Variants in ACOX3 observed in about 807,000 individuals in gnomAD.
ACOX3 encodes the protein acyl-CoA oxidase 3, pristanoyl, also known as peroxisomal acyl-coenzyme A oxidase 3.
In ACOX3, 73 loss-of-function variants were observed where a neutral mutation model predicts 81.5. That is an observed-to-expected ratio of 0.90 (90% CI 0.74 to 1.09). The LOEUF is 1.09. Ranked by LOEUF, ACOX3 falls within the 50% of genes least tolerant of loss-of-function variation. The probability of loss-of-function intolerance (pLI) is 0.00; values close to 1 mark genes in which losing one functional copy is unlikely to be tolerated. For synonymous variants in ACOX3, 387 were observed against 375.1 expected (o/e 1.03, Z -0.37); for missense variants, 947 against 928.0 (o/e 1.02, Z -0.27).
intron 1 of ACOX3, among the ~76,000 whole-genome samples, chr4:8,427,592 G>A (rs757001931): frequency 6.6e-6 from 1 of 152,188 alleles, no homozygotes; most frequent in Non-Finnish European, 1.5e-5. Flanking sequence ...CTAGTCGCTG[G>A]GTTCCACAGT....
chr4:8,390,777 G>A (rs955133434), intron 11 of ACOX3, among the ~76,000 whole-genome samples: 1 of 152,128 alleles, frequency 6.6e-6, no homozygotes, highest in African/African-American at 2.4e-5. Flanking sequence ...GAGCATGAAA[G>A]GAGTCCTATT....
At chr4:8,372,628 T>C (rs1422194532) in intron 16 of ACOX3, among the ~76,000 whole-genome samples, 5 of 152,098 alleles carry the variant, frequency 3.3e-5, no homozygotes, top group African/African-American at 1.2e-4. Flanking sequence ...GACACGCCCC[T>C]CTCTGGAACC....
In ACOX3 at chr4:8,392,404, A is replaced by G. The variant is rs1445063260; in HGVS notation, c.1229T>C (p.Leu410Pro). 6.2e-7 allele frequency: 1 copy of G among 1,609,526 alleles called. No individual in the cohort carries two copies. Among genetic ancestry groups the G allele is most frequent in the Non-Finnish European group, 8.5e-7 (1 of 1,178,498 alleles). Residue 410 changes from leucine (L) to proline (P), a missense_variant, in exon 11 of 18, where the codon CTG (leucine) becomes CCG (proline). Coordinates refer to ENST00000356406, the MANE Select transcript of ACOX3 (RefSeq NM_003501.3). The stretch of plus-strand genomic sequence containing the variant: ...TCCTTGCTGGGTGGTCCACGAGGCC[A>G]GGGGCTTGCTGGCCGATGCCAGGGC... ...IHALASASKP[L>P]ASWTTQQGIQ...
chr4:8,382,344 C>T lies in ACOX3; in HGVS notation c.1538-737G>A, dbSNP rs750911350. ...CAGCCAGAGCTGGCCTCCCACAGTACTCCGTATGGACCAGGCATGGTCCTG... is the reference window on the plus strand; with the variant it reads ...CAGCCAGAGCTGGCCTCCCACAGTATTCCGTATGGACCAGGCATGGTCCTG... On this transcript the variant is annotated intron_variant, in intron 13 of 17. Coordinates refer to ENST00000356406, the MANE Select transcript of ACOX3 (RefSeq NM_003501.3). This position sits in a 1 kb window ranked among gnomAD's most constrained non-coding sequence, Gnocchi z 4.1. Among the ~76,000 whole-genome samples the T allele has an allele frequency of 1.5e-4, 23 of 152,218 alleles. No homozygotes were observed. The highest frequency in any genetic ancestry group is 2.6e-4 in the Non-Finnish European group (18 of 68,032).
chr4:8,439,928 A>T (rs938167799), intron 1 of ACOX3, among the ~76,000 whole-genome samples: 1 of 130,380 alleles, frequency 7.7e-6, no homozygotes, highest in Non-Finnish European at 1.8e-5. Context: ...GAAAGCAAAA[A>T]GTTAGAAAGA....
At chr4:8,425,182 G>A (rs1228849331) in intron 1 of ACOX3, among the ~76,000 whole-genome samples, 1 of 152,062 alleles carries the variant, frequency 6.6e-6, no homozygotes. Context: ...CTGCCGGGGT[G>A]ATCAGAAAGG....
chr4:8,413,073 C>A (rs960144613), intron 5 of ACOX3, among the ~76,000 whole-genome samples: 2 of 147,172 alleles, frequency 1.4e-5, no homozygotes, highest in Non-Finnish European at 3.0e-5. Flanking sequence ...ACCCCGCACC[C>A]CTCCTCAGCA....
intron 1 of ACOX3, among the ~76,000 whole-genome samples, chr4:8,435,818 G>A (rs143348328): frequency 0.011 from 1,613 of 152,274 alleles, 33 homozygotes; most frequent in African/African-American, 0.037. Flanking sequence ...AGCCGCCAGA[G>A]ATAACAGAAA....
At chr4:8,359,515 C>T in the ACOX3 span, among the ~76,000 whole-genome samples, 1 of 152,190 alleles carries the variant, frequency 6.6e-6, no homozygotes, top group Admixed American at 6.5e-5. This position sits in a 1 kb window ranked among gnomAD's most constrained non-coding sequence, Gnocchi z 6.0. Flanking sequence ...AGGTTTGGCA[C>T]TATGGGATGT....
In ACOX3 at chr4:8,437,054, CAAATATATGT is replaced by C. The variant is rs1724289322; in HGVS notation, c.-15+3584_-15+3593del. 7.2e-6 allele frequency among the ~76,000 whole-genome samples: 1 copy of C among 137,996 alleles called. No homozygotes were observed. The highest frequency in any genetic ancestry group is 2.7e-5 in the African/African-American group (1 of 37,394). 90.5% of individuals were successfully genotyped at this position (137,996 alleles called of 152,430 possible). ...AAAAATATATATAAATATATATATACAAATATATGTAAATATATAGAAATATATACACGTA... is the reference window on the plus strand; with the variant it reads ...AAAAATATATATAAATATATATATACAAATATATAGAAATATATACACGTA... On this transcript the variant is annotated intron_variant, in intron 1 of 17. Transcript: ENST00000356406. This position sits in a 1 kb window ranked among gnomAD's most constrained non-coding sequence, Gnocchi z 5.2.
chr4:8,430,881 C>G lies in ACOX3; in HGVS notation c.-15+9767G>C, dbSNP rs1429746888. Among the ~76,000 whole-genome samples, 1 of 152,058 alleles carries G rather than the reference C, an allele frequency of 6.6e-6. No individual in the cohort carries two copies. The highest frequency in any genetic ancestry group is 1.5e-5 in the Non-Finnish European group (1 of 68,004). On this transcript the variant is annotated intron_variant, in intron 1 of 17. Transcript: ENST00000356406. This position sits in a 1 kb window ranked among gnomAD's most constrained non-coding sequence, Gnocchi z 5.2. ...CAAAAAATAAAAATAAAAATATCTT[C>G]CCACTGGGAAATGATTTGGGTCCAT...
At position 8,389,590 on chromosome 4, in the gene ACOX3, C is replaced by T; in HGVS notation, c.1423+22G>A. Reference sequence around the variant, plus strand: ...CCCCAGTTGGGTTCCAGCGCCCCCACCAGTGTGCAGCAGAGCCTCACCGTG... The same window carrying T: ...CCCCAGTTGGGTTCCAGCGCCCCCATCAGTGTGCAGCAGAGCCTCACCGTG... On this transcript the variant is annotated intron_variant, in intron 12 of 17. Coordinates refer to ENST00000356406, the MANE Select transcript of ACOX3 (RefSeq NM_003501.3). This position sits in a 1 kb window ranked among gnomAD's most constrained non-coding sequence, Gnocchi z 5.3. 3 of 1,613,314 alleles carry T rather than the reference C, an allele frequency of 1.9e-6. 1 individual carries two copies. Among genetic ancestry groups the T allele is most frequent in the East Asian group, 4.5e-5 (2 of 44,864 alleles).
chr4:8,415,164 G>A (rs1722181313), intron 3 of ACOX3, among the ~76,000 whole-genome samples: 1 of 152,180 alleles, frequency 6.6e-6, no homozygotes, highest in Admixed American at 6.5e-5. Flanking sequence ...TGAGTGGTAA[G>A]ACCTACATCT....
At chr4:8,391,033 GTATA>G (rs1560179454) in intron 11 of ACOX3, among the ~76,000 whole-genome samples, 29 of 83,540 alleles carry the variant, frequency 3.5e-4, no homozygotes, top group African/African-American at 2.0e-3. Flanking sequence ...ATATGTATGT[GTATA>G]TGTATATGTA....
intron 14 of ACOX3, among the ~76,000 whole-genome samples, chr4:8,376,507 A>G (rs1447719787): frequency 3.9e-5 from 6 of 152,182 alleles, no homozygotes. Flanking sequence ...CAGGGTCTCC[A>G]GTCACAAAGC....
chr4:8,371,205 A>G lies in ACOX3; in HGVS notation c.1897-211T>C, dbSNP rs1030169579. Among the ~76,000 whole-genome samples the G allele has an allele frequency of 3.3e-5, 5 of 152,212 alleles. No individual in the cohort carries two copies. In the South Asian group the frequency reaches 1.0e-3, roughly 32 times the overall value. ...GAATGTTCTCACCATGCTGCTTTTCACTCAGGACTTCTAGGGCTTGTTTCT... is the reference window on the plus strand; with the variant it reads ...GAATGTTCTCACCATGCTGCTTTTCGCTCAGGACTTCTAGGGCTTGTTTCT... On this transcript the variant is annotated intron_variant, in intron 16 of 17. Transcript: ENST00000356406.
the ACOX3 span, chr4:8,355,320 A>T: frequency 6.6e-6 from 1 of 152,356 alleles, no homozygotes; most frequent in East Asian, 1.9e-4. Context: ...GGAAAAGATG[A>T]GAAACGAGGC....
chr4:8,434,316 C>T (rs913556212), intron 1 of ACOX3, among the ~76,000 whole-genome samples: 5 of 152,186 alleles, frequency 3.3e-5, no homozygotes, highest in Admixed American at 6.5e-5. Flanking sequence ...TGCTTCCGGC[C>T]GAATAAACCT....
In ACOX3 at chr4:8,399,746, G is replaced by T; in HGVS notation, c.777-94C>A. 1 of 1,129,956 alleles carries T rather than the reference G, an allele frequency of 8.8e-7. No individual in the cohort carries two copies. Among genetic ancestry groups the T allele is most frequent in the African/African-American group, 1.6e-5 (1 of 64,294 alleles). The allele number at this position is 1,129,956 out of a possible 1,614,324, so 70.0% of individuals were successfully genotyped here. A position where few individuals can be genotyped will look rare whatever the true frequency, so the allele number is the denominator to read the frequency against. On this transcript the variant is annotated intron_variant, in intron 7 of 17. Transcript: ENST00000356406. The surrounding 1 kb of genome is among the most constrained non-coding windows in gnomAD (Gnocchi z 4.9). Reference sequence around the variant, plus strand: ...CAGCCTAAAAGCTGATGCAATCCCCGAGGACAAAGAAAATGGCAGAGGGCA... The same window carrying T: ...CAGCCTAAAAGCTGATGCAATCCCCTAGGACAAAGAAAATGGCAGAGGGCA...
Sources: allele counts gnomAD v4.1 joint callset (sites outside exome capture counted in the v4.1 genomes callset), GRCh38; gene constraint gnomAD v4.1.1; non-coding constraint Gnocchi (gnomAD v3.1); transcripts MANE v1.5; gene names NCBI Gene and HGNC (gene_info 2026-07-23, HGNC 2026-07-21).